The following KIF5C variants were observed in gnomAD, a reference collection of about 807,000 sequenced individuals.
The protein encoded by KIF5C is kinesin heavy chain isoform 5C.
In KIF5C, 18 loss-of-function variants were observed where a neutral mutation model predicts 125.2. That is an observed-to-expected ratio of 0.14 (90% CI 0.10 to 0.21). The LOEUF is 0.21. Ranked by LOEUF, KIF5C falls within the 10% of genes least tolerant of loss-of-function variation. KIF5C has a pLI of 1.00. For synonymous variants in KIF5C, 405 were observed against 434.0 expected, an observed-to-expected ratio of 0.93 and a Z score of 0.83; for missense variants, 780 against 1,183.8, an observed-to-expected ratio of 0.66 and a Z score of 5.01.
At chr2:148,934,307 C>A (rs1330486712) in intron 3 of KIF5C, among the ~76,000 whole-genome samples, 1 of 151,486 alleles carries the variant, frequency 6.6e-6, no homozygotes, top group East Asian at 1.9e-4. Flanking sequence ...CCCTACATAA[C>A]ATCATAAACA....
chr2:148,912,979 T>A (rs967174811), intron 1 of KIF5C, among the ~76,000 whole-genome samples: 7 of 152,232 alleles, frequency 4.6e-5, no homozygotes, highest in African/African-American at 1.2e-4. Flanking sequence ...TAGTGCACTA[T>A]GTTTGAATGG....
chr2:149,013,803 C>T (rs1472183966), intron 25 of KIF5C, among the ~76,000 whole-genome samples: 1 of 152,172 alleles, frequency 6.6e-6, no homozygotes. Context: ...CTCCAAACAA[C>T]CAAATGCTGG....
chr2:148,875,811 C>T lies in KIF5C; in HGVS notation c.126+68C>T, dbSNP rs578228086. 2.6e-6 allele frequency: 4 copies of T among 1,543,354 alleles called. No individual in the cohort carries two copies. In the African/African-American group the frequency reaches 4.1e-5, roughly 16 times the overall value. Reference sequence around the variant, plus strand: ...CAGCTGGGCGCCCCGACGCCCCAGACGCAGCGGAGGTGTTTAGGCCGCCCC... The same window carrying T: ...CAGCTGGGCGCCCCGACGCCCCAGATGCAGCGGAGGTGTTTAGGCCGCCCC... On this transcript the variant is annotated intron_variant, in intron 1 of 25. Transcript: ENST00000435030.
At chr2:148,912,043 A>AACCAATTCGT (rs1681360828) in intron 1 of KIF5C, among the ~76,000 whole-genome samples, 1 of 152,176 alleles carries the variant, frequency 6.6e-6, no homozygotes, top group Admixed American at 6.6e-5. Flanking sequence ...TCTTGGTTCT[A>AACCAATTCGT]TTAACTAACG....
chr2:148,960,858 G>C (rs1574790288), intron 10 of KIF5C, among the ~76,000 whole-genome samples: 1 of 152,310 alleles, frequency 6.6e-6, no homozygotes, highest in Middle Eastern at 3.4e-3. Flanking sequence ...AAATAAAACA[G>C]GATATCACAT....
chr2:148,976,250 TTTA>T (rs1489192313), intron 12 of KIF5C, among the ~76,000 whole-genome samples: 7 of 115,256 alleles, frequency 6.1e-5, no homozygotes, highest in African/African-American at 2.8e-4. Context: ...TTTTGTTTTA[TTTA>T]TTTATTTATT....
At chr2:148,960,004 C>T (rs560934601) in intron 10 of KIF5C, among the ~76,000 whole-genome samples, 112 of 152,320 alleles carry the variant, frequency 7.4e-4, no homozygotes, top group African/African-American at 2.2e-3. Context: ...ACCACATTAA[C>T]CCTTGTTATT....
intron 9 of KIF5C, 59 bp from the exon 10 acceptor site, chr2:148,950,255 C>T (rs76093774): frequency 6.3e-7 from 1 of 1,581,658 alleles, no homozygotes; most frequent in African/African-American, 1.3e-5. Context: ...GACTTGCTTG[C>T]CTCTGTGTTT....
At chr2:148,949,367 C>A (rs570906048) in intron 8 of KIF5C, among the ~76,000 whole-genome samples, 57 of 152,294 alleles carry the variant, frequency 3.7e-4, no homozygotes, top group African/African-American at 1.3e-3. Flanking sequence ...AGATAACCAA[C>A]CCTACCGCCT....
chr2:148,907,333 T>TA lies in KIF5C; in HGVS notation c.127-14804_127-14803insA, dbSNP rs142772416. On this transcript the variant is annotated intron_variant, in intron 1 of 25. Coordinates refer to ENST00000435030, the MANE Select transcript of KIF5C (RefSeq NM_004522.3). Reference sequence around the variant, plus strand: ...ATGGCCTGTGAAGGACAGCCTGCAGTTACTTCAACTCTCCATTGTGAAGCA... The same window carrying TA: ...ATGGCCTGTGAAGGACAGCCTGCAGTATACTTCAACTCTCCATTGTGAAGCA... Among the ~76,000 whole-genome samples the TA allele has an allele frequency of 7.0e-3, 1,067 of 152,322 alleles. 20 individuals are homozygous for TA. The highest frequency in any genetic ancestry group is 0.024 in the African/African-American group (983 of 41,570).
At chr2:148,938,946 G>A (rs1682347733) in intron 4 of KIF5C, among the ~76,000 whole-genome samples, 1 of 151,468 alleles carries the variant, frequency 6.6e-6, no homozygotes, top group Admixed American at 6.6e-5. Context: ...TACAAAAAAA[G>A]TAGCCAGGCA....
At chr2:149,017,182 T>C (rs2105209794) in intron 25 of KIF5C, among the ~76,000 whole-genome samples, 1 of 152,222 alleles carries the variant, frequency 6.6e-6, no homozygotes, top group Middle Eastern at 3.4e-3. Flanking sequence ...CTGCGTTGCT[T>C]TTCTGTTGTA....
intron 15 of KIF5C, among the ~76,000 whole-genome samples, chr2:148,986,010 A>G (rs979224585): frequency 3.0e-4 from 46 of 152,178 alleles, no homozygotes; most frequent in Non-Finnish European, 5.7e-4. Flanking sequence ...AATTTTTTGA[A>G]CCATACATTG....
chr2:148,893,764 A>G (rs1216594309), intron 1 of KIF5C, among the ~76,000 whole-genome samples: 1 of 152,210 alleles, frequency 6.6e-6, no homozygotes, highest in Admixed American at 6.5e-5. Context: ...GAATGAATGA[A>G]TATTTCTTGT....
rs70995344 is a variant in KIF5C at position 148,896,822 on chromosome 2, C to CCTCTCT, written c.126+21094_126+21099dup. 3.7e-4 allele frequency among the ~76,000 whole-genome samples: 56 copies of CCTCTCT among 149,452 alleles called. No homozygotes were observed. In the South Asian group the frequency reaches 6.0e-3, roughly 16 times the overall value. ...TTTTGACTATGAGATCATGATCCTT[C>CCTCTCT]CTCTCTCTCTCTCTCTCTCTTTCTT... On this transcript the variant is annotated intron_variant, in intron 1 of 25. Transcript: ENST00000435030.
chr2:149,012,182 T>C (rs1322548987), intron 25 of KIF5C, among the ~76,000 whole-genome samples: 1 of 152,208 alleles, frequency 6.6e-6, no homozygotes, highest in Non-Finnish European at 1.5e-5. Flanking sequence ...TCCAGGATGC[T>C]TTTTTCTTTG....
At chr2:148,875,979 G>A (rs2105029127) in intron 1 of KIF5C, among the ~76,000 whole-genome samples, 1 of 151,782 alleles carries the variant, frequency 6.6e-6, no homozygotes, top group African/African-American at 2.4e-5. Context: ...GGGGATGGGG[G>A]GCGAAGACGG....
chr2:148,976,379 C>T (rs1380107516), intron 12 of KIF5C, among the ~76,000 whole-genome samples: 1 of 151,886 alleles, frequency 6.6e-6, no homozygotes, highest in Non-Finnish European at 1.5e-5. Flanking sequence ...AAGCAATTCT[C>T]CTGCCTCAGC....
Position 148,875,575 on chromosome 2 carries a change from G to GCCCCCCCCCCAACCCCCCCCCCCC in KIF5C, c.-37_-36insCCCCAACCCCCCCCCCCCCCCCCC. ...TCCTCCCTCGTCGTTCCCGGCCCCG[G>GCCCCCCCCCCAACCCCCCCCCCCC]CCCCCCACCCATCCCCGTGCCCCCT... is the stretch of plus-strand genomic sequence containing the variant. On this transcript the variant is annotated 5_prime_UTR_variant, in exon 1 of 26. Coordinates refer to ENST00000435030, the MANE Select transcript of KIF5C (RefSeq NM_004522.3). 1.4e-6 allele frequency: 1 copy of GCCCCCCCCCCAACCCCCCCCCCCC among 699,606 alleles called. No homozygotes were observed. The highest frequency in any genetic ancestry group is 2.6e-6 in the Non-Finnish European group (1 of 389,230). 43.3% of individuals were successfully genotyped at this position (699,606 alleles called of 1,614,324 possible).
Sources: allele counts gnomAD v4.1 joint callset (sites outside exome capture counted in the v4.1 genomes callset), GRCh38; gene constraint gnomAD v4.1.1; transcripts MANE v1.5; gene names NCBI Gene and HGNC (gene_info 2026-07-23, HGNC 2026-07-21).